The following ARID5A variants were observed in gnomAD, a reference collection of about 807,000 sequenced individuals.
ARID5A encodes the protein AT-rich interactive domain-containing protein 5A.
In ARID5A, 14 loss-of-function variants were observed where a neutral mutation model predicts 30.5. The observed-to-expected ratio is 0.46, with a 90% CI of 0.30 to 0.72. ARID5A has a LOEUF of 0.72. Ranked by LOEUF, ARID5A falls within the 30% of genes least tolerant of loss-of-function variation. The probability of loss-of-function intolerance (pLI) is 0.07; values close to 1 mark genes in which losing one functional copy is unlikely to be tolerated. For missense variants in ARID5A, 669 were observed against 786.2 expected, an observed-to-expected ratio of 0.85 and a Z score of 1.78; for synonymous variants, 338 against 340.4, an observed-to-expected ratio of 0.99 and a Z score of 0.08.
chr2:96,549,643 G>T lies in ARID5A; in HGVS notation c.260-110G>T. On this transcript the variant is annotated intron_variant, in intron 3 of 6. Coordinates refer to ENST00000357485, the MANE Select transcript of ARID5A (RefSeq NM_212481.3). The surrounding 1 kb of genome is among the most constrained non-coding windows in gnomAD (Gnocchi z 6.1). ...CTGCCCGTCTATTGCAGTGGCCCTG[G>T]CTGGGTGTGTGCTGGTCTGTGCCTG... 6.5e-7 allele frequency: 1 copy of T among 1,547,946 alleles called. No individual in the cohort carries two copies. The highest frequency in any genetic ancestry group is 8.9e-7 in the Non-Finnish European group (1 of 1,122,344).
intron 1 of ARID5A, 34 bp from the exon 2 acceptor site, chr2:96,547,368 C>CCTT (rs2065946932): frequency 6.3e-7 from 1 of 1,581,058 alleles, no homozygotes; most frequent in African/African-American, 1.3e-5. Flanking sequence ...TCTCCCCACC[C>CCTT]CTTCCTCCTT....
chr2:96,547,710 G>T (rs2065953779), intron 2 of ARID5A, among the ~76,000 whole-genome samples, 193 bp downstream of exon 2: 2 of 152,174 alleles, frequency 1.3e-5, no homozygotes, highest in Non-Finnish European at 2.9e-5. Flanking sequence ...TTTTGTAGCA[G>T]AACCCTTTTT....
chr2:96,544,255 T>C (rs1461883638), intron 1 of ARID5A, among the ~76,000 whole-genome samples: 1 of 152,218 alleles, frequency 6.6e-6, no homozygotes, highest in Non-Finnish European at 1.5e-5. Context: ...CCAGCTAAGA[T>C]CACTGATGAA....
At position 96,537,750 on chromosome 2, in the gene ARID5A, G is replaced by A. The variant is rs2065764933; in HGVS notation, c.4+920G>A. ...CGCTCCGTCCCTCCGCGGTGTCTAG[G>A]GGTCGCCCGGGCTGGGGTCGCGTCA... On this transcript the variant is annotated intron_variant, in intron 1 of 6. Coordinates refer to ENST00000357485, the MANE Select transcript of ARID5A (RefSeq NM_212481.3). This position sits in a 1 kb window ranked among gnomAD's most constrained non-coding sequence, Gnocchi z 4.8. 1.7e-6 allele frequency: 1 copy of A among 592,146 alleles called. No individual in the cohort carries two copies. Among genetic ancestry groups the A allele is most frequent in the Non-Finnish European group, 2.1e-6 (1 of 470,664 alleles). 36.7% of individuals were successfully genotyped at this position (592,146 alleles called of 1,614,324 possible).
intron 2 of ARID5A, among the ~76,000 whole-genome samples, chr2:96,548,491 C>G (rs2065967842): frequency 6.6e-6 from 1 of 152,154 alleles, no homozygotes; most frequent in Non-Finnish European, 1.5e-5. Context: ...GTCTCAAACT[C>G]CTGACCTCAA....
Position 96,537,804 on chromosome 2 carries a change from C to T in ARID5A, c.4+974C>T. 5 of 952,054 alleles carry T rather than the reference C, an allele frequency of 5.3e-6. No homozygotes were observed. Among genetic ancestry groups the T allele is most frequent in the South Asian group, 4.8e-5 (1 of 20,658 alleles). The allele number at this position is 952,054 out of a possible 1,614,324, so 59.0% of individuals were successfully genotyped here. ...TCCGCCCAGCGCCGGCGTGGTGGGG[C>T]TTGCGCGGTGCAGGACCCCCGAGGG... On this transcript the variant is annotated intron_variant, in intron 1 of 6. Transcript: ENST00000357485. The surrounding 1 kb of genome is among the most constrained non-coding windows in gnomAD (Gnocchi z 4.8).
chr2:96,544,390 C>A (rs1315182878), intron 1 of ARID5A, among the ~76,000 whole-genome samples: 6 of 152,212 alleles, frequency 3.9e-5, no homozygotes, highest in South Asian at 2.1e-4. Flanking sequence ...GGCTGACTCT[C>A]TTGTTAGGGG....
intron 1 of ARID5A, chr2:96,538,016 G>T: frequency 1.0e-6 from 1 of 985,540 alleles, no homozygotes; most frequent in African/African-American, 1.7e-5. Flanking sequence ...GAGCACAGGA[G>T]GGGTGGGAGG....
chr2:96,541,513 T>C (rs2104668499), intron 1 of ARID5A, among the ~76,000 whole-genome samples: 1 of 152,320 alleles, frequency 6.6e-6, no homozygotes, highest in East Asian at 1.9e-4. Context: ...CCCAGATGTG[T>C]TCCTTATAAG....
rs372781233 is a variant in ARID5A, at chr2:96,551,302, G to T, written c.774G>T (p.Leu258=). Residue 258 remains leucine, a synonymous_variant, in exon 7 of 7, where the codon CTG becomes CTT. Coordinates refer to ENST00000357485, the MANE Select transcript of ARID5A (RefSeq NM_212481.3). ...GGACACACGGCATCATGTCACCACTGGCCAAAAAGAAGCTCCTGGCCCAGG... is the reference window on the plus strand; with the variant it reads ...GGACACACGGCATCATGTCACCACTTGCCAAAAAGAAGCTCCTGGCCCAGG... The part of the protein sequence containing the change: ...CKGTHGIMSP[L]AKKKLLAQVS... 1 of 1,613,792 alleles carries T rather than the reference G, an allele frequency of 6.2e-7. No homozygotes were observed. The highest frequency in any genetic ancestry group is 2.2e-5 in the East Asian group (1 of 44,872).
intron 1 of ARID5A, among the ~76,000 whole-genome samples, chr2:96,541,077 C>T (rs1180806376): frequency 2.9e-5 from 4 of 140,014 alleles, no homozygotes; most frequent in East Asian, 2.3e-4. Flanking sequence ...CTCGCTCTGT[C>T]GCCAGGCTGG....
rs978046600 is a variant in ARID5A, at chr2:96,552,322, A to G, written c.*9A>G. ...TCAACACCAAGCTGTAGGCCAGCCC[A>G]TGGTGTTGTGTACACTGTGGAGTCG... On this transcript the variant is annotated 3_prime_UTR_variant, in exon 7 of 7. Coordinates refer to ENST00000357485, the MANE Select transcript of ARID5A (RefSeq NM_212481.3). The G allele has an allele frequency of 8.1e-6, 13 of 1,613,194 alleles. No individual in the cohort carries two copies. Among genetic ancestry groups the G allele is most frequent in the African/African-American group, 4.0e-5 (3 of 74,952 alleles).
In ARID5A at chr2:96,552,609, A is replaced by G. The variant is rs1417579428; in HGVS notation, c.*296A>G. The stretch of plus-strand genomic sequence containing the variant: ...CACCCAGGTTGCCCACGGAAAATCC[A>G]ATAAAAAGACACCAGTGTGAATCCA... On this transcript the variant is annotated 3_prime_UTR_variant, in exon 7 of 7. Transcript: ENST00000357485. The G allele has an allele frequency of 6.9e-7, 1 of 1,445,148 alleles. No homozygotes were observed. The allele number at this position is 1,445,148 out of a possible 1,614,324, so 89.5% of individuals were successfully genotyped here. A position where few individuals can be genotyped will look rare whatever the true frequency, so the allele number is the denominator to read the frequency against.
In ARID5A at chr2:96,549,638, C is replaced by T; in HGVS notation, c.260-115C>T. The T allele has an allele frequency of 6.5e-7, 1 of 1,536,994 alleles. No homozygotes were observed. The highest frequency in any genetic ancestry group is 9.0e-7 in the Non-Finnish European group (1 of 1,113,008). On this transcript the variant is annotated intron_variant, in intron 3 of 6. Transcript: ENST00000357485. The surrounding 1 kb of genome is among the most constrained non-coding windows in gnomAD (Gnocchi z 6.1). ...ACAGCCTGCCCGTCTATTGCAGTGGCCCTGGCTGGGTGTGTGCTGGTCTGT... is the reference window on the plus strand; with the variant it reads ...ACAGCCTGCCCGTCTATTGCAGTGGTCCTGGCTGGGTGTGTGCTGGTCTGT...
chr2:96,551,367 GCCGCCATGGGGCAGAGCCCCAGGCGTC>G lies in ARID5A; in HGVS notation c.842_868del (p.Arg281_Ser289del). 6.2e-7 allele frequency: 1 copy of G among 1,612,400 alleles called. No homozygotes were observed. Among genetic ancestry groups the G allele is most frequent in the Non-Finnish European group, 8.5e-7 (1 of 1,179,728 alleles). The stretch of plus-strand genomic sequence containing the variant: ...GCCTTGCAGTGCCAGGAGGAGGGCT[GCCGCCATGGGGCAGAGCCCCAGGCGTC>G]CCCAGCTGTTCACCTCCCAGAGAGT... On this transcript the variant is annotated inframe_deletion, in exon 7 of 7. Coordinates refer to ENST00000357485, the MANE Select transcript of ARID5A (RefSeq NM_212481.3).
intron 1 of ARID5A, among the ~76,000 whole-genome samples, chr2:96,538,989 G>C (rs541832307): frequency 6.6e-6 from 1 of 152,172 alleles, no homozygotes; most frequent in African/African-American, 2.4e-5. Context: ...CTGGGCAACA[G>C]GGGTCTGTAA....
Position 96,537,697 on chromosome 2 carries a change from G to C in ARID5A, c.4+867G>C. On this transcript the variant is annotated intron_variant, in intron 1 of 6. Transcript: ENST00000357485. This position sits in a 1 kb window ranked among gnomAD's most constrained non-coding sequence, Gnocchi z 4.8. Reference sequence around the variant, plus strand: ...CAGGCGATGCCCGGCTTCGCGCTCGGCGGGAGCTGCGGGCCAACCCGGGCC... The same window carrying C: ...CAGGCGATGCCCGGCTTCGCGCTCGCCGGGAGCTGCGGGCCAACCCGGGCC... 5.0e-6 allele frequency: 1 copy of C among 201,404 alleles called. No individual in the cohort carries two copies. Among genetic ancestry groups the C allele is most frequent in the Non-Finnish European group, 8.8e-6 (1 of 113,116 alleles). 12.5% of individuals were successfully genotyped at this position (201,404 alleles called of 1,614,324 possible). A position where few individuals can be genotyped will look rare whatever the true frequency, so the allele number is the denominator to read the frequency against.
intron 1 of ARID5A, among the ~76,000 whole-genome samples, chr2:96,538,584 C>G (rs1288451739): frequency 2.0e-5 from 3 of 152,230 alleles, no homozygotes; most frequent in Non-Finnish European, 4.4e-5. Flanking sequence ...TGGCAGGCCC[C>G]CCTCCCCAAA....
rs1357737618 is a variant in ARID5A, at chr2:96,552,320, C to G, written c.*7C>G. ...CCTCAACACCAAGCTGTAGGCCAGCCCATGGTGTTGTGTACACTGTGGAGT... is the reference window on the plus strand; with the variant it reads ...CCTCAACACCAAGCTGTAGGCCAGCGCATGGTGTTGTGTACACTGTGGAGT... On this transcript the variant is annotated 3_prime_UTR_variant, in exon 7 of 7. Transcript: ENST00000357485. 9 of 1,613,206 alleles carry G rather than the reference C, an allele frequency of 5.6e-6. No homozygotes were observed. In the African/African-American group the frequency reaches 9.3e-5, roughly 17 times the overall value.
Sources: allele counts gnomAD v4.1 joint callset (sites outside exome capture counted in the v4.1 genomes callset), GRCh38; gene constraint gnomAD v4.1.1; non-coding constraint Gnocchi (gnomAD v3.1); transcripts MANE v1.5; gene names NCBI Gene and HGNC (gene_info 2026-07-23, HGNC 2026-07-21).